The following OR51B5 variants were observed in gnomAD, a reference collection of about 807,000 sequenced individuals.
OR51B5 encodes the protein olfactory receptor 51B5.
For synonymous variants in OR51B5, 186 were observed against 144.8 expected (o/e 1.28, Z -2.04); for missense variants, 456 against 374.6 (o/e 1.22, Z -1.79).
At chr11:5,397,771 A>G (rs1351544824) in intron 1 of OR51B5, among the ~76,000 whole-genome samples, 2 of 151,006 alleles carry the variant, frequency 1.3e-5, no homozygotes, top group Non-Finnish European at 3.0e-5. Context: ...TTGCGGCACT[A>G]TTCACAATAG....
intron 1 of OR51B5, among the ~76,000 whole-genome samples, chr11:5,458,369 T>C (rs959984569): frequency 3.9e-5 from 6 of 152,212 alleles, no homozygotes. Context: ...AGCCTTATAG[T>C]ATAGTTTGAA....
intron 1 of OR51B5, among the ~76,000 whole-genome samples, chr11:5,486,440 T>G (rs1564829917): frequency 6.6e-6 from 1 of 151,802 alleles, no homozygotes; most frequent in African/African-American, 2.4e-5. Flanking sequence ...GTTGGGTTAC[T>G]GGAGACCTGA....
rs536864780 is a variant in OR51B5, at chr11:5,466,156, T to A, written n.84+39413A>T. On this transcript the variant is annotated intron_variant and non_coding_transcript_variant, in intron 1 of 4. Coordinates refer to the OR51B5 transcript ENST00000415970. ...AAAGTGGGCGAAGGTTGATAATTTA[T>A]CATTTACGTAGACGACAATACACTG... is the stretch of plus-strand genomic sequence containing the variant. Among the ~76,000 whole-genome samples the A allele has an allele frequency of 5.9e-5, 9 of 152,334 alleles. No homozygotes were observed. In the South Asian group the frequency reaches 1.7e-3, roughly 28 times the overall value.
chr11:5,460,378 C>T (rs2133793046), intron 1 of OR51B5, among the ~76,000 whole-genome samples: 1 of 152,286 alleles, frequency 6.6e-6, no homozygotes, highest in East Asian at 1.9e-4. Flanking sequence ...TGCACATGTA[C>T]CCTTGAACGT....
chr11:5,461,555 C>A (rs911299243), intron 1 of OR51B5, among the ~76,000 whole-genome samples: 3 of 152,176 alleles, frequency 2.0e-5, no homozygotes, highest in African/African-American at 7.2e-5. Context: ...AAGTCACCTA[C>A]AGGAGTGTGG....
chr11:5,441,985 A>T (rs1420164493), intron 1 of OR51B5, among the ~76,000 whole-genome samples: 4 of 152,130 alleles, frequency 2.6e-5, no homozygotes, highest in African/African-American at 7.2e-5. Context: ...AAACTTTTCT[A>T]TCCCTGAAAT....
intron 1 of OR51B5, chr11:5,441,403 T>A (rs1262028960): frequency 6.2e-7 from 1 of 1,613,738 alleles, no homozygotes; most frequent in Non-Finnish European, 8.5e-7. Flanking sequence ...ATGGAGATCA[T>A]GTAGAGGATG....
intron 1 of OR51B5, chr11:5,469,514 A>G (rs1229675956): frequency 1.3e-5 from 2 of 152,176 alleles, no homozygotes; most frequent in Non-Finnish European, 2.9e-5. Context: ...GTTGATATCT[A>G]AAACTAGGAG....
chr11:5,430,991 C>A, intron 1 of OR51B5: 1 of 457,024 alleles, frequency 2.2e-6, no homozygotes, highest in Non-Finnish European at 4.4e-6. Flanking sequence ...TTTGCGAGAA[C>A]AATGGCTAAG....
At chr11:5,473,694 T>A (rs1851263491) in intron 1 of OR51B5, among the ~76,000 whole-genome samples, 1 of 152,176 alleles carries the variant, frequency 6.6e-6, no homozygotes, top group African/African-American at 2.4e-5. Flanking sequence ...ATTTAGAGCA[T>A]CAGAAGAGTA....
At chr11:5,351,531 C>T in intron 1 of OR51B5, 6 of 1,612,834 alleles carry the variant, frequency 3.7e-6, no homozygotes, top group South Asian at 1.1e-5. Flanking sequence ...AGTCTGCTTC[C>T]ACCTTCCAGC....
Position 5,466,718 on chromosome 11 carries a change from G to T in OR51B5, n.84+38851C>A, listed in dbSNP as rs372117669. 4.0e-4 allele frequency among the ~76,000 whole-genome samples: 61 copies of T among 152,308 alleles called. No individual in the cohort carries two copies. In the East Asian group the frequency reaches 6.0e-3, roughly 15 times the overall value. On this transcript the variant is annotated intron_variant and non_coding_transcript_variant, in intron 1 of 4. Coordinates refer to the OR51B5 transcript ENST00000415970. ...GGATCCTCTGAAGGGAGAGGCAATG[G>T]CAGAGTAGCTTTTATAGCTTTGCAG...
chr11:5,455,380 G>T (rs1262242700), intron 1 of OR51B5: 1 of 148,708 alleles, frequency 6.7e-6, no homozygotes, highest in East Asian at 2.0e-4. Flanking sequence ...AGGATAGACA[G>T]ACTAGAGCAC....
chr11:5,417,556 A>G (rs1290881234), intron 1 of OR51B5, among the ~76,000 whole-genome samples: 1 of 149,628 alleles, frequency 6.7e-6, no homozygotes, highest in Non-Finnish European at 1.5e-5. Context: ...TCCAGAATCT[A>G]CAATGAACTC....
chr11:5,377,260 AC>A (rs1434246473), intron 1 of OR51B5, among the ~76,000 whole-genome samples: 1 of 152,140 alleles, frequency 6.6e-6, no homozygotes, highest in Non-Finnish European at 1.5e-5. Context: ...AAATTCAACA[AC>A]CCTTCATGCT....
intron 1 of OR51B5, among the ~76,000 whole-genome samples, chr11:5,438,123 A>G (rs1850617449): frequency 2.0e-5 from 3 of 152,186 alleles, no homozygotes; most frequent in Admixed American, 2.0e-4. Flanking sequence ...TCACAGAATC[A>G]TGGACAAAGA....
intron 1 of OR51B5, among the ~76,000 whole-genome samples, chr11:5,358,312 T>A (rs1336860700): frequency 6.6e-6 from 1 of 151,610 alleles, no homozygotes; most frequent in African/African-American, 2.4e-5. Flanking sequence ...AAAGGGTATA[T>A]CACCACCGAT....
intron 1 of OR51B5, among the ~76,000 whole-genome samples, chr11:5,471,546 G>C (rs1851228728): frequency 1.3e-5 from 2 of 150,600 alleles, no homozygotes; most frequent in Admixed American, 1.3e-4. Context: ...TGAGGCAGTA[G>C]AATCCCTTGA....
intron 1 of OR51B5, among the ~76,000 whole-genome samples, chr11:5,404,965 A>G (rs1397273542): frequency 6.6e-6 from 1 of 152,144 alleles, no homozygotes; most frequent in African/African-American, 2.4e-5. Flanking sequence ...AAGAACTGTA[A>G]CAATCACCTT....
Sources: allele counts gnomAD v4.1 joint callset (sites outside exome capture counted in the v4.1 genomes callset), GRCh38; gene constraint gnomAD v4.1.1; transcripts MANE v1.5; gene names NCBI Gene and HGNC (gene_info 2026-07-23, HGNC 2026-07-21).